KDM2B: variants seen among roughly 807,000 people sequenced by gnomAD.
The protein encoded by KDM2B is lysine-specific demethylase 2B.
In KDM2B, 26 loss-of-function variants were observed where a neutral mutation model predicts 150.0. The observed-to-expected ratio is 0.17, with a 90% CI of 0.13 to 0.24. The LOEUF (loss-of-function observed/expected upper bound fraction) is 0.24, where lower values mean the gene tolerates loss of function less well. Ranked by LOEUF, KDM2B falls within the 10% of genes least tolerant of loss-of-function variation. The pLI is 1.00. For missense variants in KDM2B, 1,265 were observed against 1,816.9 expected (o/e 0.70, Z 5.52); for synonymous variants, 734 against 729.5 (o/e 1.01, Z -0.10).
chr12:121,413,055 T>C, the KDM2B span, among the ~76,000 whole-genome samples: 1 of 149,684 alleles, frequency 6.7e-6, no homozygotes, highest in Admixed American at 6.7e-5. Flanking sequence ...AGGCAGAGTC[T>C]CACTCTGTCA....
At chr12:121,418,279 A>G in the KDM2B span, 2 of 189,234 alleles carry the variant, frequency 1.1e-5, no homozygotes, top group Admixed American at 5.5e-5. Context: ...ACAGAAAACA[A>G]TCAGTAGTGT....
In KDM2B at chr12:121,494,564, C is replaced by T; in HGVS notation, c.1734+15G>A. On this transcript the variant is annotated intron_variant, in intron 12 of 22. Coordinates refer to ENST00000377071, the MANE Select transcript of KDM2B (RefSeq NM_032590.5). ...GTGGGAAGCGGCCGCCCGCTGCAGGCAGGCTGCGTCTTACCTTTGGAGTCT... is the reference window on the plus strand; with the variant it reads ...GTGGGAAGCGGCCGCCCGCTGCAGGTAGGCTGCGTCTTACCTTTGGAGTCT... 1 of 1,607,396 alleles carries T rather than the reference C, an allele frequency of 6.2e-7. No individual in the cohort carries two copies.
chr12:121,481,982 T>C (rs558417487), intron 12 of KDM2B, among the ~76,000 whole-genome samples: 225 of 152,198 alleles, frequency 1.5e-3, no homozygotes, highest in African/African-American at 5.0e-3. Context: ...GGTTTCATCA[T>C]GTTGGCCAGG....
intron 13 of KDM2B, among the ~76,000 whole-genome samples, chr12:121,449,027 T>C (rs1555290971): frequency 6.6e-6 from 1 of 152,050 alleles, no homozygotes; most frequent in East Asian, 1.9e-4. Context: ...AGGGGACGTC[T>C]GGGGACCAGA....
At chr12:121,424,498 G>C (rs1275679021), downstream of KDM2B, 2 of 152,210 alleles carry the variant, frequency 1.3e-5, no homozygotes, top group East Asian at 3.9e-4. Context: ...TTGTGAGGTT[G>C]AGGCTGGAGG....
chr12:121,434,500 CAAAAAAAAAA>C (rs1166374523), intron 22 of KDM2B, among the ~76,000 whole-genome samples: 6 of 62,296 alleles, frequency 9.6e-5, no homozygotes, highest in South Asian at 5.0e-4. Flanking sequence ...GACTCTCTAT[CAAAAAAAAAA>C]AAAAAAAAAA....
At chr12:121,580,547 C>T in intron 1 of KDM2B, 1 of 895,504 alleles carries the variant, frequency 1.1e-6, no homozygotes, top group Non-Finnish European at 1.4e-6. Context: ...TTGCAGGCGG[C>T]GGGCGCATCC....
At chr12:121,434,728 C>T (rs535729920) in intron 22 of KDM2B, among the ~76,000 whole-genome samples, 6 of 151,972 alleles carry the variant, frequency 3.9e-5, no homozygotes, top group South Asian at 2.1e-4. Context: ...GAAGCCAAGG[C>T]GGGTGGATCA....
intron 12 of KDM2B, among the ~76,000 whole-genome samples, chr12:121,465,063 G>A (rs1555294504): frequency 1.3e-5 from 2 of 151,914 alleles, no homozygotes; most frequent in Non-Finnish European, 2.9e-5. Context: ...CTTAGATGTC[G>A]TCTCCCTCAG....
downstream of KDM2B, chr12:121,424,288 G>C (rs965061752): frequency 3.3e-5 from 5 of 152,646 alleles, no homozygotes; most frequent in African/African-American, 1.2e-4. Context: ...TAGTGAAGGT[G>C]TATTTTCAGT....
At chr12:121,437,327 C>G (rs926731983) in intron 22 of KDM2B, among the ~76,000 whole-genome samples, 20 of 151,946 alleles carry the variant, frequency 1.3e-4, no homozygotes, top group Admixed American at 1.3e-3. Context: ...TCATAATACA[C>G]TATTTGGCTC....
In KDM2B at chr12:121,549,001, G is replaced by T; in HGVS notation, c.577-18C>A. On this transcript the variant is annotated intron_variant, in intron 5 of 22. Coordinates refer to ENST00000377071, the MANE Select transcript of KDM2B (RefSeq NM_032590.5). The surrounding 1 kb of genome is among the most constrained non-coding windows in gnomAD (Gnocchi z 4.4). ...AGGTCTACCTGAAAGCCAGACCAGT[G>T]TGAGCACTGCATTTCTCCACTGCCG... 1 of 1,588,004 alleles carries T rather than the reference G, an allele frequency of 6.3e-7. No homozygotes were observed. Among genetic ancestry groups the T allele is most frequent in the African/African-American group, 1.3e-5 (1 of 74,564 alleles).
At chr12:121,515,977 C>T (rs989294963) in intron 9 of KDM2B, among the ~76,000 whole-genome samples, 1 of 152,094 alleles carries the variant, frequency 6.6e-6, no homozygotes, top group Non-Finnish European at 1.5e-5. Flanking sequence ...GTTACTAGAT[C>T]GGTGCCCTCT....
chr12:121,509,251 A>T (rs574867048), intron 11 of KDM2B, among the ~76,000 whole-genome samples: 1 of 150,354 alleles, frequency 6.7e-6, no homozygotes, highest in Admixed American at 6.6e-5. Flanking sequence ...TTTAGTAGAG[A>T]CGGGGTTTCA....
At chr12:121,548,817 C>T (rs1889264295) in intron 6 of KDM2B, 60 bp downstream of exon 6, 5 of 1,337,034 alleles carry the variant, frequency 3.7e-6, no homozygotes, top group Non-Finnish European at 5.4e-6. Flanking sequence ...CCCACCTCCC[C>T]ACCTCCCCAA....
At chr12:121,480,143 T>C (rs925180426) in intron 12 of KDM2B, among the ~76,000 whole-genome samples, 7 of 149,970 alleles carry the variant, frequency 4.7e-5, no homozygotes, top group Admixed American at 1.3e-4. Flanking sequence ...CATCCACAAA[T>C]GTCCAGGGAG....
At chr12:121,571,413 C>T (rs1891078299) in intron 4 of KDM2B, among the ~76,000 whole-genome samples, 1 of 151,760 alleles carries the variant, frequency 6.6e-6, no homozygotes, top group Admixed American at 6.6e-5. Context: ...CTCAGCCTCC[C>T]GAGTAGCTGG....
chr12:121,555,009 G>C (rs1417450312), intron 4 of KDM2B, among the ~76,000 whole-genome samples: 1 of 152,002 alleles, frequency 6.6e-6, no homozygotes, highest in Non-Finnish European at 1.5e-5. Context: ...AACATGTCAA[G>C]ACCCCATCTC....
At chr12:121,550,852 C>T (rs960566629) in intron 4 of KDM2B, among the ~76,000 whole-genome samples, 1 of 151,726 alleles carries the variant, frequency 6.6e-6, no homozygotes. Flanking sequence ...TTTTTGTTAA[C>T]GGAGGGGGAA....
Sources: allele counts gnomAD v4.1 joint callset (sites outside exome capture counted in the v4.1 genomes callset), GRCh38; gene constraint gnomAD v4.1.1; non-coding constraint Gnocchi (gnomAD v3.1); transcripts MANE v1.5; gene names NCBI Gene and HGNC (gene_info 2026-07-23, HGNC 2026-07-21).